Variants in ENG observed in about 807,000 individuals in gnomAD.
ENG encodes the protein CD105 antigen.
A neutral mutation model predicts 71.0 loss-of-function variants in ENG; 17 were observed. That is an observed-to-expected ratio of 0.24 (90% CI 0.16 to 0.36). The LOEUF (loss-of-function observed/expected upper bound fraction) is 0.36. Among genes scored for constraint, ENG ranks in the 10% least tolerant of loss-of-function variants. The pLI is 1.00. For synonymous variants in ENG, 360 were observed against 366.9 expected (o/e 0.98, Z 0.21); for missense variants, 749 against 868.3 (o/e 0.86, Z 1.73).
Position 127,846,794 on chromosome 9 carries a change from TG to T in ENG, c.68-3550del. On this transcript the variant is annotated intron_variant, in intron 1 of 14. Transcript: ENST00000373203. The surrounding 1 kb of genome is among the most constrained non-coding windows in gnomAD (Gnocchi z 5.5). Reference sequence around the variant, plus strand: ...GGGAAACGCCAGGGCCTCCCGGGACTGGGTCAGAGGAGGAGCCGCTGGGGGC... The same window carrying T: ...GGGAAACGCCAGGGCCTCCCGGGACTGGTCAGAGGAGGAGCCGCTGGGGGC... 1 of 877,026 alleles carries T rather than the reference TG, an allele frequency of 1.1e-6. No individual in the cohort carries two copies. The highest frequency in any genetic ancestry group is 1.4e-6 in the Non-Finnish European group (1 of 731,238). 54.3% of individuals were successfully genotyped at this position (877,026 alleles called of 1,614,324 possible). A position where few individuals can be genotyped will look rare whatever the true frequency, so the allele number is the denominator to read the frequency against.
At chr9:127,851,634 A>C (rs1294661830) in intron 1 of ENG, among the ~76,000 whole-genome samples, 1 of 152,030 alleles carries the variant, frequency 6.6e-6, no homozygotes, top group Non-Finnish European at 1.5e-5. Flanking sequence ...TAATCCCAGC[A>C]CTTTGGGAGG....
chr9:127,840,849 A>C (rs1831013426), intron 2 of ENG, among the ~76,000 whole-genome samples: 1 of 152,254 alleles, frequency 6.6e-6, no homozygotes, highest in South Asian at 2.1e-4. Context: ...GCAGAGGCTA[A>C]CAGGGAGATT....
chr9:127,826,472 A>G, intron 4 of ENG, 38 bp downstream of exon 4: 1 of 1,613,424 alleles, frequency 6.2e-7, no homozygotes, highest in Non-Finnish European at 8.5e-7. Context: ...CCTCCTGAGC[A>G]GTATCATGAG....
In ENG at chr9:127,819,344, G is replaced by A. The variant is rs949444363; in HGVS notation, c.1311+278C>T. ...TGGCTGCCCAGAAGCACCCTGTGGCGCAGAGTCCTTTCTTAGGCCACCTTT... is the reference window on the plus strand; with the variant it reads ...TGGCTGCCCAGAAGCACCCTGTGGCACAGAGTCCTTTCTTAGGCCACCTTT... On this transcript the variant is annotated intron_variant, in intron 10 of 14. Coordinates refer to ENST00000373203, the MANE Select transcript of ENG (RefSeq NM_001114753.3). 1.0e-4 allele frequency: 47 copies of A among 463,792 alleles called. 1 individual carries two copies. Among genetic ancestry groups the A allele is most frequent in the South Asian group, 7.3e-4 (35 of 47,958 alleles). The allele number at this position is 463,792 out of a possible 1,614,324, so 28.7% of individuals were successfully genotyped here. A position where few individuals can be genotyped will look rare whatever the true frequency, so the allele number is the denominator to read the frequency against.
At chr9:127,843,732 C>CATATGTATAT (rs1351217360) in intron 1 of ENG, among the ~76,000 whole-genome samples, 1 of 12,754 alleles carries the variant, frequency 7.8e-5, no homozygotes, top group African/African-American at 2.4e-4. Context: ...CACACATCCA[C>CATATGTATAT]ATACATATAT....
At chr9:127,825,183 G>C (rs1260732336) in intron 6 of ENG, 48 bp downstream of exon 6, 1 of 1,613,212 alleles carries the variant, frequency 6.2e-7, no homozygotes. Flanking sequence ...CCCTGATCCA[G>C]AGGTTGGGAG....
Position 127,829,779 on chromosome 9 carries a change from T to C in ENG, c.268A>G (p.Thr90Ala). ...ACCAGAAGCACCTCTCGGGGCCAGG[T>C]GCCATTTTGCTTGGATGCCTGGAGA... The part of the protein sequence containing the change: ...LTLQASKQNG[T>A]WPREVLLVLS... Residue 90 changes from threonine (T) to alanine (A), a missense_variant, in exon 3 of 15, where the codon ACC becomes GCC. Transcript: ENST00000373203. 3.1e-6 allele frequency: 5 copies of C among 1,614,076 alleles called. No homozygotes were observed. Among genetic ancestry groups the C allele is most frequent in the Non-Finnish European group, 4.2e-6 (5 of 1,180,018 alleles).
chr9:127,848,384 G>A (rs1197975114), intron 1 of ENG, among the ~76,000 whole-genome samples: 1 of 151,838 alleles, frequency 6.6e-6, no homozygotes, highest in Non-Finnish European at 1.5e-5. Flanking sequence ...CCACCTCCTG[G>A]CCTCAAGCAA....
intron 1 of ENG, among the ~76,000 whole-genome samples, chr9:127,848,152 G>T (rs1336204088): frequency 1.3e-5 from 2 of 152,158 alleles, no homozygotes; most frequent in Admixed American, 1.3e-4. Context: ...GGTTGCTCAG[G>T]AACTGGTGAC....
intron 8 of ENG, among the ~76,000 whole-genome samples, chr9:127,820,938 C>T (rs1313305360): frequency 6.6e-6 from 1 of 152,120 alleles, no homozygotes; most frequent in Non-Finnish European, 1.5e-5. Context: ...TCAGGCCTGG[C>T]GTGGGCGAAG....
intron 1 of ENG, among the ~76,000 whole-genome samples, chr9:127,843,732 C>T (rs1182120230): frequency 1.1e-3 from 14 of 12,758 alleles, no homozygotes; most frequent in South Asian, 3.7e-3. Flanking sequence ...CACACATCCA[C>T]ATACATATAT....
rs1192309516 is a variant in ENG at position 127,854,536 on chromosome 9, A to T, written c.-181T>A. 5 of 616,682 alleles carry T rather than the reference A, an allele frequency of 8.1e-6. No homozygotes were observed. The highest frequency in any genetic ancestry group is 1.4e-5 in the Non-Finnish European group (5 of 358,678). 38.2% of individuals were successfully genotyped at this position (616,682 alleles called of 1,614,324 possible). ...CCGAGGGGTCAGGAGAAGTGGACACAGGGACGCGGGGCTGGGCTGGAGTTG... is the reference window on the plus strand; with the variant it reads ...CCGAGGGGTCAGGAGAAGTGGACACTGGGACGCGGGGCTGGGCTGGAGTTG... On this transcript the variant is annotated 5_prime_UTR_variant, in exon 1 of 15. Transcript: ENST00000373203.
At chr9:127,822,933 C>A (rs1290856353) in intron 8 of ENG, among the ~76,000 whole-genome samples, 2 of 152,014 alleles carry the variant, frequency 1.3e-5, no homozygotes, top group Non-Finnish European at 2.9e-5. Context: ...CTCCCTCTAC[C>A]GGGTTCAAGC....
At chr9:127,820,187 A>T in intron 8 of ENG, 150 bp from the exon 9 acceptor site, 1 of 1,143,664 alleles carries the variant, frequency 8.7e-7, no homozygotes, top group Non-Finnish European at 1.2e-6. Context: ...AGATGTCATC[A>T]TCCTACACCA....
rs1830345950 is a variant in ENG at position 127,817,210 on chromosome 9, GAGAA to G, written c.1687-11_1687-8del. On this transcript the variant is annotated splice_polypyrimidine_tract_variant and splice_region_variant and intron_variant, in intron 12 of 14. Transcript: ENST00000373203. The stretch of plus-strand genomic sequence containing the variant: ...AGACAGTCCTATGGACTTCCTGGAG[GAGAA>G]AGAGAGAGCAGTATGTGGCACCTTT... 6.2e-7 allele frequency: 1 copy of G among 1,614,174 alleles called. No homozygotes were observed. The highest frequency in any genetic ancestry group is 8.5e-7 in the Non-Finnish European group (1 of 1,180,030).
chr9:127,819,690 G>A, intron 9 of ENG, 30 bp from the exon 10 acceptor site: 2 of 1,597,864 alleles, frequency 1.3e-6, no homozygotes, highest in Non-Finnish European at 1.7e-6. Context: ...GAGCTGGTCA[G>A]AGCCAGAAAG....
intron 3 of ENG, chr9:127,826,975 CTG>C (rs1161645140): frequency 2.4e-6 from 1 of 412,594 alleles, no homozygotes; most frequent in Non-Finnish European, 4.6e-6. Flanking sequence ...CATCCTGCGG[CTG>C]TCTCTCCCTA....
At chr9:127,818,448 T>C in intron 11 of ENG, 71 bp from the exon 12 acceptor site, 1 of 1,593,776 alleles carries the variant, frequency 6.3e-7, no homozygotes, top group Non-Finnish European at 8.5e-7. Flanking sequence ...TGCCTTCAAA[T>C]ATCGGCTAGA....
chr9:127,847,123 G>A (rs1831185485), intron 1 of ENG: 1 of 191,078 alleles, frequency 5.2e-6, no homozygotes, highest in Admixed American at 6.5e-5. Flanking sequence ...TGGGAGCCTA[G>A]GCAGCTTTAC....
Sources: allele counts gnomAD v4.1 joint callset (sites outside exome capture counted in the v4.1 genomes callset), GRCh38; gene constraint gnomAD v4.1.1; non-coding constraint Gnocchi (gnomAD v3.1); transcripts MANE v1.5; gene names NCBI Gene and HGNC (gene_info 2026-07-23, HGNC 2026-07-21).